HS6ST1: variants seen among roughly 807,000 people sequenced by gnomAD.
HS6ST1 encodes the protein heparan sulfate 6-O-sulfotransferase 1, also known as heparan-sulfate 6-O-sulfotransferase 1.
Under a neutral mutation model 25.2 loss-of-function variants are expected in HS6ST1, and 3 were observed. The observed-to-expected ratio is 0.12, with a 90% CI of 0.05 to 0.31. HS6ST1 has a LOEUF of 0.31. HS6ST1 is among the 10% of genes least tolerant of loss of function. The pLI is 1.00. For synonymous variants in HS6ST1, 204 were observed against 275.1 expected, an observed-to-expected ratio of 0.74 and a Z score of 2.56; for missense variants, 310 against 609.6, an observed-to-expected ratio of 0.51 and a Z score of 5.18.
intron 1 of HS6ST1, among the ~76,000 whole-genome samples, chr2:128,290,490 T>G (rs1241840390): frequency 3.9e-5 from 6 of 152,056 alleles, no homozygotes; most frequent in Admixed American, 3.9e-4. Context: ...CCAACCCAAT[T>G]GAGCATATAA....
At chr2:128,273,792 G>A (rs772675619) in intron 1 of HS6ST1, among the ~76,000 whole-genome samples, 4 of 152,266 alleles carry the variant, frequency 2.6e-5, no homozygotes, top group Non-Finnish European at 4.4e-5. Context: ...AAAAGGCGGG[G>A]TGGAGGTGTC....
chr2:128,294,712 G>GTGTGTGTGTGTT, intron 1 of HS6ST1, among the ~76,000 whole-genome samples: 1 of 148,594 alleles, frequency 6.7e-6, no homozygotes, highest in Admixed American at 6.8e-5. Flanking sequence ...GTGTGTGTGT[G>GTGTGTGTGTGTT]TGTGGAGGGG....
chr2:128,291,302 C>T (rs1378708641), intron 1 of HS6ST1, among the ~76,000 whole-genome samples: 1 of 152,262 alleles, frequency 6.6e-6, no homozygotes, highest in East Asian at 1.9e-4. Context: ...GGGAGGGCTA[C>T]TTTTCTTGCC....
chr2:128,289,443 T>C (rs1474265783), intron 1 of HS6ST1, among the ~76,000 whole-genome samples: 1 of 152,218 alleles, frequency 6.6e-6, no homozygotes, highest in Admixed American at 6.5e-5. Flanking sequence ...TCAGAGATCC[T>C]TCTGCAGCCA....
chr2:128,301,701 G>A (rs970003348), intron 1 of HS6ST1, among the ~76,000 whole-genome samples: 1 of 152,162 alleles, frequency 6.6e-6, no homozygotes, highest in Non-Finnish European at 1.5e-5. Flanking sequence ...TGCTTTGTCA[G>A]CCCCTGGTCA....
intron 1 of HS6ST1, among the ~76,000 whole-genome samples, chr2:128,291,814 C>T (rs529768985): frequency 6.6e-6 from 1 of 152,350 alleles, no homozygotes; most frequent in Admixed American, 6.5e-5. Context: ...AACAGCTGTG[C>T]AGGGGCGCCG....
intron 1 of HS6ST1, among the ~76,000 whole-genome samples, chr2:128,312,624 GA>G (rs1694308413): frequency 6.6e-6 from 1 of 152,180 alleles, no homozygotes; most frequent in Admixed American, 6.5e-5. Flanking sequence ...AGCAGGTGGC[GA>G]CATGTGGGTG....
chr2:128,288,921 T>C (rs1440031645), intron 1 of HS6ST1, among the ~76,000 whole-genome samples: 1 of 152,030 alleles, frequency 6.6e-6, no homozygotes, highest in Non-Finnish European at 1.5e-5. Flanking sequence ...CAGCAACTCA[T>C]GTCAGGGTCC....
rs547848305 is a variant in HS6ST1 at position 128,271,951 on chromosome 2, C to T, written c.528-3081G>A. On this transcript the variant is annotated intron_variant, in intron 1 of 1. Transcript: ENST00000259241. The stretch of plus-strand genomic sequence containing the variant: ...CAGAGGGATGGAGGTGAAGCCGGCA[C>T]CTTGGGAAGGGCCAAGACATGGTCT... Among the ~76,000 whole-genome samples the T allele has an allele frequency of 3.9e-5, 6 of 152,318 alleles. No homozygotes were observed. In the South Asian group the frequency reaches 1.0e-3, roughly 26 times the overall value.
chr2:128,282,072 A>G lies in HS6ST1; in HGVS notation c.528-13202T>C, dbSNP rs113567374. Among the ~76,000 whole-genome samples the G allele has an allele frequency of 2.8e-3, 425 of 152,356 alleles. 7 individuals are homozygous for G. Among genetic ancestry groups the G allele is most frequent in the African/African-American group, 8.4e-3 (348 of 41,590 alleles). ...GGGCAGGCTGACCTTGCCAGTCCCCAGAGGCTAGGCAGATACAATGGCCTG... is the reference window on the plus strand; with the variant it reads ...GGGCAGGCTGACCTTGCCAGTCCCCGGAGGCTAGGCAGATACAATGGCCTG... On this transcript the variant is annotated intron_variant, in intron 1 of 1. Transcript: ENST00000259241.
At chr2:128,286,937 C>T (rs576742227) in intron 1 of HS6ST1, among the ~76,000 whole-genome samples, 125 of 152,290 alleles carry the variant, frequency 8.2e-4, no homozygotes, top group African/African-American at 3.0e-3. Flanking sequence ...CCTCTGAATG[C>T]CTCCTAGGAG....
chr2:128,284,008 A>G (rs1356261895), intron 1 of HS6ST1, among the ~76,000 whole-genome samples: 2 of 152,214 alleles, frequency 1.3e-5, no homozygotes, highest in South Asian at 2.1e-4. Flanking sequence ...CGAGGGACAC[A>G]GGCCTGGACG....
intron 1 of HS6ST1, among the ~76,000 whole-genome samples, chr2:128,272,467 C>T (rs965288636): frequency 2.0e-5 from 3 of 152,220 alleles, no homozygotes; most frequent in African/African-American, 4.8e-5. Context: ...CCAGATGGCA[C>T]GCGACCTACT....
At chr2:128,273,063 A>G (rs549232745) in intron 1 of HS6ST1, among the ~76,000 whole-genome samples, 1 of 152,312 alleles carries the variant, frequency 6.6e-6, no homozygotes, top group African/African-American at 2.4e-5. Flanking sequence ...CTTCTGGACC[A>G]AGGCCTCCCG....
intron 1 of HS6ST1, among the ~76,000 whole-genome samples, chr2:128,295,446 C>T (rs531153720): frequency 6.0e-4 from 91 of 152,334 alleles, no homozygotes; most frequent in Non-Finnish European, 1.1e-3. Flanking sequence ...ACCTGAGAGG[C>T]TCTCCTGGGA....
At chr2:128,307,314 C>T (rs1298632604) in intron 1 of HS6ST1, among the ~76,000 whole-genome samples, 7 of 152,140 alleles carry the variant, frequency 4.6e-5, no homozygotes, top group African/African-American at 1.7e-4. Context: ...CACCTGCTCA[C>T]ACTAACAAGC....
intron 1 of HS6ST1, among the ~76,000 whole-genome samples, chr2:128,276,297 C>T (rs1194088326): frequency 6.6e-6 from 1 of 152,108 alleles, no homozygotes; most frequent in Non-Finnish European, 1.5e-5. Flanking sequence ...CCACGTCCGG[C>T]TAATTTTTTC....
chr2:128,274,806 C>T (rs1416167343), intron 1 of HS6ST1, among the ~76,000 whole-genome samples: 1 of 151,940 alleles, frequency 6.6e-6, no homozygotes, highest in Non-Finnish European at 1.5e-5. Flanking sequence ...GGCAAAACCC[C>T]ATCTCTACTA....
At chr2:128,279,609 C>G (rs775425517) in intron 1 of HS6ST1, among the ~76,000 whole-genome samples, 3 of 152,144 alleles carry the variant, frequency 2.0e-5, no homozygotes, top group Non-Finnish European at 4.4e-5. Context: ...AAGGTTGCAT[C>G]TCAGTGATTA....
Sources: allele counts gnomAD v4.1 joint callset (sites outside exome capture counted in the v4.1 genomes callset), GRCh38; gene constraint gnomAD v4.1.1; transcripts MANE v1.5; gene names NCBI Gene and HGNC (gene_info 2026-07-23, HGNC 2026-07-21).